The following DCAF1 variants were observed in gnomAD, a reference collection of about 807,000 sequenced individuals.
DCAF1 encodes the protein DDB1 and CUL4 associated factor 1, also known as DDB1- and CUL4-associated factor 1.
A neutral mutation model predicts 128.0 loss-of-function variants in DCAF1; 15 were observed. The ratio of observed to expected loss-of-function variants is 0.12; its 90% confidence interval spans 0.08 to 0.18. The LOEUF (loss-of-function observed/expected upper bound fraction) is 0.18. Among genes scored for constraint, DCAF1 ranks in the 10% least tolerant of loss-of-function variants. The pLI, the probability that DCAF1 is intolerant of heterozygous loss-of-function variation, is 1.00. For missense variants in DCAF1, 988 were observed against 1,649.5 expected (o/e 0.60, Z 6.95); for synonymous variants, 610 against 603.0 (o/e 1.01, Z -0.17).
chr3:51,490,245 G>T (rs782553291), intron 2 of DCAF1, among the ~76,000 whole-genome samples: 1 of 151,990 alleles, frequency 6.6e-6, no homozygotes, highest in African/African-American at 2.4e-5. Flanking sequence ...GCAAAACCTA[G>T]TCTTTACAAA....
intron 5 of DCAF1, among the ~76,000 whole-genome samples, chr3:51,463,993 C>T (rs1379887340): frequency 6.6e-6 from 1 of 151,838 alleles, no homozygotes; most frequent in Non-Finnish European, 1.5e-5. Flanking sequence ...TAGCTGGGAC[C>T]ACAGGTGCAC....
intron 15 of DCAF1, among the ~76,000 whole-genome samples, chr3:51,419,131 G>T (rs782544762): frequency 9.2e-5 from 14 of 152,008 alleles, no homozygotes; most frequent in African/African-American, 3.1e-4. Context: ...GAGGCCGAAG[G>T]GGGGGTATCA....
At chr3:51,438,274 G>GT in intron 9 of DCAF1, among the ~76,000 whole-genome samples, 2 of 152,168 alleles carry the variant, frequency 1.3e-5, no homozygotes, top group South Asian at 4.1e-4. Flanking sequence ...ACTATTTGTT[G>GT]ATTGCTTACG....
intron 8 of DCAF1, 54 bp downstream of exon 8, chr3:51,441,331 G>C: frequency 6.5e-7 from 1 of 1,539,614 alleles, no homozygotes; most frequent in Non-Finnish European, 8.8e-7. Context: ...AAATACCACA[G>C]AAATGAACAC....
rs1698576080 is a variant in DCAF1 at position 51,413,081 on chromosome 3, G to A, written c.4037-15C>T. Reference sequence around the variant, plus strand: ...ATCAATGGTTGCTGGAAAATAGAATGTGAGAAGATTGGGATTGGACTATTG... The same window carrying A: ...ATCAATGGTTGCTGGAAAATAGAATATGAGAAGATTGGGATTGGACTATTG... On this transcript the variant is annotated splice_polypyrimidine_tract_variant and intron_variant, in intron 21 of 24. Transcript: ENST00000684031. The A allele has an allele frequency of 1.2e-6, 2 of 1,613,812 alleles. No homozygotes were observed. Among genetic ancestry groups the A allele is most frequent in the Non-Finnish European group, 1.7e-6 (2 of 1,179,820 alleles).
rs781807051 is a variant in DCAF1 at position 51,418,112 on chromosome 3, A to G, written c.3518+4T>C. On this transcript the variant is annotated splice_donor_region_variant and intron_variant, in intron 17 of 24. Transcript: ENST00000684031. ...CAGACTAGGTTCCAAAAGCAGATACATACTTCATATCAAATACTGACTTCA... is the reference window on the plus strand; with the variant it reads ...CAGACTAGGTTCCAAAAGCAGATACGTACTTCATATCAAATACTGACTTCA... 6.2e-7 allele frequency: 1 copy of G among 1,610,188 alleles called. No individual in the cohort carries two copies. Among genetic ancestry groups the G allele is most frequent in the Non-Finnish European group, 8.5e-7 (1 of 1,178,298 alleles).
At chr3:51,446,599 C>T (rs781937893) in intron 6 of DCAF1, among the ~76,000 whole-genome samples, 1 of 151,784 alleles carries the variant, frequency 6.6e-6, no homozygotes, top group Non-Finnish European at 1.5e-5. Flanking sequence ...CCACTGCACT[C>T]CAGCCTGGGT....
rs782253102 is a variant in DCAF1, at chr3:51,413,401, G to A, written c.3932-15C>T. Reference sequence around the variant, plus strand: ...CTGCAACATAGCTTGAGGGGGAGTGGGGGAGGAAACACTATTAGGAATCAC... The same window carrying A: ...CTGCAACATAGCTTGAGGGGGAGTGAGGGAGGAAACACTATTAGGAATCAC... On this transcript the variant is annotated splice_polypyrimidine_tract_variant and intron_variant, in intron 20 of 24. Coordinates refer to ENST00000684031, the MANE Select transcript of DCAF1 (RefSeq NM_001387579.1). The A allele has an allele frequency of 3.7e-6, 6 of 1,607,078 alleles. No individual in the cohort carries two copies. Among genetic ancestry groups the A allele is most frequent in the Non-Finnish European group, 2.5e-6 (3 of 1,176,482 alleles).
intron 14 of DCAF1, among the ~76,000 whole-genome samples, chr3:51,422,062 C>G (rs1253705811): frequency 6.6e-6 from 1 of 152,014 alleles, no homozygotes; most frequent in Non-Finnish European, 1.5e-5. Context: ...CCTGAGTTTA[C>G]TAGCATGACT....
intron 6 of DCAF1, among the ~76,000 whole-genome samples, chr3:51,447,402 T>C (rs1053327802): frequency 1.3e-5 from 2 of 152,018 alleles, no homozygotes; most frequent in Non-Finnish European, 2.9e-5. Context: ...AGAGCAAGAC[T>C]GTCTCTCAAA....
intron 2 of DCAF1, among the ~76,000 whole-genome samples, chr3:51,490,442 A>C (rs553468162): frequency 6.6e-6 from 1 of 152,264 alleles, no homozygotes; most frequent in Non-Finnish European, 1.5e-5. Flanking sequence ...ACAACAACAA[A>C]AAAGGCACAA....
At chr3:51,412,854 A>G (rs1553628939) in intron 22 of DCAF1, 139 bp downstream of exon 22, 1 of 1,334,262 alleles carries the variant, frequency 7.5e-7, no homozygotes, top group East Asian at 2.5e-5. Flanking sequence ...AGCCCCATCA[A>G]ATGAATAGGT....
chr3:51,417,196 T>C (rs895947169), intron 17 of DCAF1, among the ~76,000 whole-genome samples: 4 of 151,918 alleles, frequency 2.6e-5, no homozygotes, highest in Non-Finnish European at 5.9e-5. Flanking sequence ...GGCAGGTGGA[T>C]TGTCTAAGCT....
chr3:51,436,886 CTT>C (rs1700877965), intron 9 of DCAF1, among the ~76,000 whole-genome samples: 1 of 152,100 alleles, frequency 6.6e-6, no homozygotes, highest in South Asian at 2.1e-4. Context: ...TAAGATGAAA[CTT>C]TGTGCTATTT....
chr3:51,486,438 C>T (rs1417568953), intron 2 of DCAF1, among the ~76,000 whole-genome samples: 1 of 151,552 alleles, frequency 6.6e-6, no homozygotes, highest in Non-Finnish European at 1.5e-5. Context: ...AGGTGATCCT[C>T]CTGCCTTAGC....
chr3:51,413,008 A>G lies in DCAF1; in HGVS notation c.4095T>C (p.Tyr1365=). The change falls in exon 22 of 25, where the codon TAT becomes TAC. Residue 1365 remains tyrosine (Y), a synonymous_variant. Transcript: ENST00000684031. ...CTCCCTTTACCTCAATGACAGCAAG[A>G]TAGCAGTCTTTGGTGTCTGTACACA... ...FDLCTDTKDC[Y]LAVIENQGSM... The G allele has an allele frequency of 6.2e-7, 1 of 1,613,990 alleles. No individual in the cohort carries two copies.
chr3:51,440,182 T>TAAGCCTCCTC (rs1399589381), intron 9 of DCAF1: 2 of 509,238 alleles, frequency 3.9e-6, no homozygotes, highest in African/African-American at 3.9e-5. Context: ...GTAGAGATAG[T>TAAGCCTCCTC]AAGCCTCCTC....
At chr3:51,399,332 C>T (rs1055557041) in intron 24 of DCAF1, among the ~76,000 whole-genome samples, 2 of 152,156 alleles carry the variant, frequency 1.3e-5, no homozygotes, top group African/African-American at 4.8e-5. Context: ...CTCAGAAGAC[C>T]GACCACCAAG....
intron 6 of DCAF1, among the ~76,000 whole-genome samples, chr3:51,460,461 G>C (rs367973702): frequency 1.3e-5 from 2 of 151,232 alleles, no homozygotes; most frequent in African/African-American, 4.8e-5. Context: ...GGAAGAATCA[G>C]TATCGTGAAA....
Sources: allele counts gnomAD v4.1 joint callset (sites outside exome capture counted in the v4.1 genomes callset), GRCh38; gene constraint gnomAD v4.1.1; transcripts MANE v1.5; gene names NCBI Gene and HGNC (gene_info 2026-07-23, HGNC 2026-07-21).